Variants in ADARB2 observed in about 807,000 individuals in gnomAD.
ADARB2 encodes inactive double-stranded RNA-specific editase B2.
A neutral mutation model predicts 62.2 loss-of-function variants in ADARB2; 25 were observed. The observed-to-expected ratio is 0.40, with a 90% CI of 0.29 to 0.56. ADARB2 has a LOEUF of 0.56. ADARB2 is among the 20% of genes least tolerant of loss of function. The pLI, the probability that ADARB2 is intolerant of heterozygous loss-of-function variation, is 0.43. For missense variants in ADARB2, 1,071 were observed against 1,077.4 expected (o/e 0.99, Z 0.08); for synonymous variants, 572 against 500.8 (o/e 1.14, Z -1.90).
At chr10:1,430,719 GAC>G (rs1830769300) in intron 1 of ADARB2, among the ~76,000 whole-genome samples, 1 of 150,596 alleles carries the variant, frequency 6.6e-6, no homozygotes, top group South Asian at 2.1e-4. Flanking sequence ...CAACCTGGGT[GAC>G]AGAGTGAGAC....
At chr10:1,288,396 A>G (rs1237773068) in intron 3 of ADARB2, among the ~76,000 whole-genome samples, 5 of 152,246 alleles carry the variant, frequency 3.3e-5, no homozygotes, top group African/African-American at 1.2e-4. Context: ...TGCTCTTCCA[A>G]GTAACAGCGA....
At chr10:1,230,660 C>A (rs2131767330) in intron 6 of ADARB2, among the ~76,000 whole-genome samples, 1 of 152,132 alleles carries the variant, frequency 6.6e-6, no homozygotes, top group East Asian at 1.9e-4. Context: ...CTGAAGGGTC[C>A]TTCCAAGCAG....
chr10:1,384,831 AG>A (rs1259880195), intron 1 of ADARB2, among the ~76,000 whole-genome samples: 1 of 152,140 alleles, frequency 6.6e-6, no homozygotes, highest in Non-Finnish European at 1.5e-5. Flanking sequence ...GTTGAGACTC[AG>A]CCCCACATGA....
At chr10:1,445,554 C>T (rs1444861407) in intron 1 of ADARB2, among the ~76,000 whole-genome samples, 1 of 152,048 alleles carries the variant, frequency 6.6e-6, no homozygotes, top group East Asian at 1.9e-4. Flanking sequence ...ACTCATCCAT[C>T]CATCTGTCCT....
At chr10:1,332,515 A>AT (rs1491119912) in intron 3 of ADARB2, among the ~76,000 whole-genome samples, 1 of 142,164 alleles carries the variant, frequency 7.0e-6, no homozygotes, top group African/African-American at 2.6e-5. Context: ...CAGGTGTTAA[A>AT]TATCTTTTGT....
intron 2 of ADARB2, among the ~76,000 whole-genome samples, chr10:1,364,641 G>A (rs1005655331): frequency 6.6e-6 from 1 of 152,178 alleles, no homozygotes; most frequent in Admixed American, 6.5e-5. Flanking sequence ...CTTGTTATTA[G>A]TCCCTAAACA....
intron 8 of ADARB2, chr10:1,186,625 G>A: frequency 2.0e-6 from 1 of 507,000 alleles, no homozygotes; most frequent in Non-Finnish European, 3.9e-6. Flanking sequence ...GTGCTTGGAG[G>A]CGAGCGGGGC....
At chr10:1,266,188 A>C (rs1831198164) in intron 4 of ADARB2, among the ~76,000 whole-genome samples, 1 of 152,198 alleles carries the variant, frequency 6.6e-6, no homozygotes. Context: ...GTCGGCGCCG[A>C]GAAGGAGTGG....
rs569904999 is a variant in ADARB2, at chr10:1,275,835, CTCA to C, written c.1078-4769_1078-4767del. 2.0e-5 allele frequency among the ~76,000 whole-genome samples: 3 copies of C among 152,180 alleles called. No individual in the cohort carries two copies. The East Asian group carries it at 5.8e-4, about 29-fold the overall frequency. Reference sequence around the variant, plus strand: ...ACCATGTCCCTACAAAGGACACGAACTCATCATTTTTTATGGCTGCATAGTATT... The same window carrying C: ...ACCATGTCCCTACAAAGGACACGAACTCATTTTTTATGGCTGCATAGTATT... On this transcript the variant is annotated intron_variant, in intron 3 of 9. Coordinates refer to ENST00000381312, the MANE Select transcript of ADARB2 (RefSeq NM_018702.4).
intron 7 of ADARB2, among the ~76,000 whole-genome samples, chr10:1,208,486 G>C (rs537506638): frequency 1.2e-4 from 18 of 152,306 alleles, no homozygotes; most frequent in African/African-American, 4.1e-4. Context: ...GCAGGCAGCC[G>C]GGCCCCATGC....
At chr10:1,209,288 A>ACCCATGCCCACGCCTACACCG (rs1564221104) in intron 7 of ADARB2, among the ~76,000 whole-genome samples, 11 of 148,766 alleles carry the variant, frequency 7.4e-5, no homozygotes, top group African/African-American at 2.5e-4. Context: ...CGCCTACACC[A>ACCCATGCCCACGCCTACACCG]TCACCCATGC....
Position 1,185,089 on chromosome 10 carries a change from G to C in ADARB2, c.1865-50C>G, listed in dbSNP as rs143589074. On this transcript the variant is annotated intron_variant, in intron 8 of 9. Transcript: ENST00000381312. The stretch of plus-strand genomic sequence containing the variant: ...GGCGTTAATATTCCTGGCCTCACAC[G>C]GGGCTCCCCCAAGGGCAGCTGCGGG... 467 of 1,574,150 alleles carry C rather than the reference G, an allele frequency of 3.0e-4. 2 individuals are homozygous for C. In the African/African-American group the frequency reaches 5.1e-3, roughly 17 times the overall value.
chr10:1,576,439 G>A (rs141982322), intron 1 of ADARB2, among the ~76,000 whole-genome samples: 9 of 152,294 alleles, frequency 5.9e-5, no homozygotes, highest in African/African-American at 1.9e-4. Context: ...GGCCATTGCA[G>A]GAGGGCTCTC....
chr10:1,345,043 G>T (rs984156435), intron 3 of ADARB2, among the ~76,000 whole-genome samples: 3 of 152,040 alleles, frequency 2.0e-5, no homozygotes, highest in East Asian at 3.9e-4. Flanking sequence ...GGAAACCGCC[G>T]CAGCCTGGCA....
At chr10:1,245,577 G>A (rs1304778295) in intron 4 of ADARB2, among the ~76,000 whole-genome samples, 18 of 150,476 alleles carry the variant, frequency 1.2e-4, no homozygotes, top group African/African-American at 3.9e-4. Context: ...TATGAGTGAG[G>A]ACATGCGGTG....
chr10:1,273,751 G>A (rs1463440674), intron 3 of ADARB2, among the ~76,000 whole-genome samples: 1 of 152,216 alleles, frequency 6.6e-6, no homozygotes, highest in Non-Finnish European at 1.5e-5. Context: ...ATGACAGACG[G>A]TGAAGGTGAC....
rs1326739752 is a variant in ADARB2, at chr10:1,526,839, C to A, written c.101-147679G>T. On this transcript the variant is annotated intron_variant, in intron 1 of 9. Transcript: ENST00000381312. ...TCACGCACTTGGTGCGTGGAGGGGTCGTGAGCGGGCACAGGCAGCCACTTC... is the reference window on the plus strand; with the variant it reads ...TCACGCACTTGGTGCGTGGAGGGGTAGTGAGCGGGCACAGGCAGCCACTTC... 3 of 516,252 alleles carry A rather than the reference C, an allele frequency of 5.8e-6. No individual in the cohort carries two copies. In the Admixed American group the frequency reaches 6.0e-5, roughly 10 times the overall value. 32.0% of individuals were successfully genotyped at this position (516,252 alleles called of 1,614,324 possible).
At chr10:1,499,280 C>T (rs892663812) in intron 1 of ADARB2, among the ~76,000 whole-genome samples, 1 of 152,062 alleles carries the variant, frequency 6.6e-6, no homozygotes. Flanking sequence ...CTCACACTCA[C>T]TTATCACTCA....
chr10:1,635,799 C>T (rs1452856248), intron 1 of ADARB2, among the ~76,000 whole-genome samples: 1 of 152,206 alleles, frequency 6.6e-6, no homozygotes, highest in African/African-American at 2.4e-5. Context: ...TTGCAATAGG[C>T]TTTGGCTATC....
Sources: gnomAD v4.1 joint callset for allele counts (sites outside exome capture counted in the v4.1 genomes callset) on GRCh38, gnomAD v4.1.1 for gene constraint, MANE v1.5 for transcripts, NCBI Gene and HGNC (gene_info 2026-07-23, HGNC 2026-07-21) for gene names.